The following NCAM2 variants were observed in gnomAD, a reference collection of about 807,000 sequenced individuals.
NCAM2 encodes neural cell adhesion molecule 2.
NCAM2 carries 30 observed loss-of-function variants against 98.1 expected under a neutral mutation model. The observed-to-expected ratio is 0.31, with a 90% CI of 0.23 to 0.41. The LOEUF is 0.41. Ranked by LOEUF, NCAM2 falls within the 10% of genes least tolerant of loss-of-function variation. The pLI is 1.00. For missense variants in NCAM2, 867 were observed against 1,005.8 expected, an observed-to-expected ratio of 0.86 and a Z score of 1.87; for synonymous variants, 368 against 342.4, an observed-to-expected ratio of 1.07 and a Z score of -0.83.
chr21:21,078,689 A>G (rs1394361832), intron 1 of NCAM2, among the ~76,000 whole-genome samples: 1 of 152,230 alleles, frequency 6.6e-6, no homozygotes, highest in Non-Finnish European at 1.5e-5. Context: ...CACTGGGTAT[A>G]TACCCAAAGG....
At chr21:21,044,733 A>G (rs1054985770) in intron 1 of NCAM2, among the ~76,000 whole-genome samples, 2 of 152,142 alleles carry the variant, frequency 1.3e-5, no homozygotes, top group Admixed American at 6.6e-5. Flanking sequence ...TGGGAGGCCA[A>G]GGTGGGAAGA....
At chr21:21,458,600 C>A (rs1349069930) in intron 12 of NCAM2, among the ~76,000 whole-genome samples, 1 of 152,150 alleles carries the variant, frequency 6.6e-6, no homozygotes, top group Non-Finnish European at 1.5e-5. Context: ...TATGTATAAA[C>A]CAGGAAGCAG....
At chr21:21,163,181 A>G (rs2067841582) in intron 1 of NCAM2, among the ~76,000 whole-genome samples, 1 of 152,184 alleles carries the variant, frequency 6.6e-6, no homozygotes, top group Non-Finnish European at 1.5e-5. Flanking sequence ...ACATTCAGCA[A>G]TTCCACTGAA....
intron 15 of NCAM2, among the ~76,000 whole-genome samples, chr21:21,498,589 A>G (rs773534666): frequency 6.6e-6 from 1 of 152,176 alleles, no homozygotes; most frequent in Admixed American, 6.5e-5. Flanking sequence ...AAAGTTGCCA[A>G]TAAGTGCATT....
At chr21:21,432,391 G>A (rs1437704382) in intron 12 of NCAM2, 110 bp downstream of exon 12, 4 of 984,720 alleles carry the variant, frequency 4.1e-6, no homozygotes, top group Non-Finnish European at 5.9e-6. Flanking sequence ...TTAATAAAAT[G>A]GTGTTGGGAA....
At chr21:21,311,335 ATTTTTTTTT>A (rs57458011) in intron 5 of NCAM2, among the ~76,000 whole-genome samples, 2 of 108,616 alleles carry the variant, frequency 1.8e-5, no homozygotes, top group African/African-American at 7.6e-5. Flanking sequence ...AATATGGGGC[ATTTTTTTTT>A]TTTTTTTTTT....
At chr21:21,412,941 A>G (rs1254486594) in intron 10 of NCAM2, among the ~76,000 whole-genome samples, 1 of 152,164 alleles carries the variant, frequency 6.6e-6, no homozygotes, top group Non-Finnish European at 1.5e-5. Flanking sequence ...TTAGAATATA[A>G]AAGGAAATAT....
At chr21:21,298,589 A>G in intron 5 of NCAM2, among the ~76,000 whole-genome samples, 1 of 12,080 alleles carries the variant, frequency 8.3e-5, no homozygotes, top group Admixed American at 7.7e-4. Flanking sequence ...TGATAGATAC[A>G]GATAGATAGA....
At chr21:21,154,481 G>A (rs896361843) in intron 1 of NCAM2, among the ~76,000 whole-genome samples, 1 of 151,750 alleles carries the variant, frequency 6.6e-6, no homozygotes, top group Non-Finnish European at 1.5e-5. Context: ...AGTTAAAGAT[G>A]CATAATGAAC....
Position 21,537,890 on chromosome 21 carries a change from C to T in NCAM2, c.2447C>T (p.Pro816Leu), listed in dbSNP as rs775178336. 2 of 1,579,984 alleles carry T rather than the reference C, an allele frequency of 1.3e-6. No individual in the cohort carries two copies. The highest frequency in any genetic ancestry group is 2.3e-5 in the East Asian group (1 of 43,856). The change falls in exon 18 of 18, where the codon CCA becomes CTA. Residue 816 changes from proline to leucine, a missense_variant. Coordinates refer to ENST00000400546, the MANE Select transcript of NCAM2 (RefSeq NM_004540.5). ...KEEDGKEALN[P>L]ETIEIKVSND... ...GAAGATGGGAAAGAAGCTCTAAATC[C>T]AGAAACTATAGAAATTAAAGTTTCT...
Position 21,338,499 on chromosome 21 carries a change from G to A in NCAM2, c.1009G>A (p.Ala337Thr). 1 of 1,612,444 alleles carries A rather than the reference G, an allele frequency of 6.2e-7. No individual in the cohort carries two copies. Among genetic ancestry groups the A allele is most frequent in the Non-Finnish European group, 8.5e-7 (1 of 1,179,242 alleles). The stretch of plus-strand genomic sequence containing the variant: ...TATTCCAGAAATCACTTGGAAAAGA[G>A]CTGTGGATGGCTTCACGTTCACTGA... ...EPIPEITWKR[A>T]VDGFTFTEGD... The change falls in exon 8 of 18, where the codon GCT becomes ACT. Residue 337 changes from alanine to threonine, a missense_variant. By Grantham distance (58) the Ala-to-Thr change is moderately conservative. Around this residue, in one of 5 missense-constraint regions of NCAM2, gnomAD observed 447 missense variants for 495.7 expected, o/e 0.90. Coordinates refer to ENST00000400546, the MANE Select transcript of NCAM2 (RefSeq NM_004540.5).
At chr21:21,016,392 C>G (rs80212053) in intron 1 of NCAM2, among the ~76,000 whole-genome samples, 1 of 151,736 alleles carries the variant, frequency 6.6e-6, no homozygotes, top group African/African-American at 2.4e-5. Context: ...TTATGCGCTT[C>G]GTATGTGTGA....
intron 1 of NCAM2, among the ~76,000 whole-genome samples, chr21:21,083,734 A>T (rs76792811): frequency 0.059 from 9,048 of 152,080 alleles, 321 homozygotes; most frequent in East Asian, 0.15. Flanking sequence ...TTAAAATTCT[A>T]TTTTTTGAGA....
intron 12 of NCAM2, among the ~76,000 whole-genome samples, chr21:21,465,917 A>G (rs1187461713): frequency 6.6e-6 from 1 of 152,098 alleles, no homozygotes; most frequent in East Asian, 1.9e-4. Context: ...CAAGGGTCAA[A>G]TAACAAGGGT....
chr21:21,121,881 A>G (rs1435785687), intron 1 of NCAM2, among the ~76,000 whole-genome samples: 3 of 152,324 alleles, frequency 2.0e-5, no homozygotes, highest in South Asian at 2.1e-4. Flanking sequence ...CTCTAGATCT[A>G]CATTTCTTCA....
chr21:21,391,056 A>C (rs191886764), intron 9 of NCAM2, among the ~76,000 whole-genome samples: 31 of 152,342 alleles, frequency 2.0e-4, no homozygotes, highest in African/African-American at 7.5e-4. Context: ...TTAGTTATTC[A>C]ATTTAATAAT....
chr21:21,261,758 TAGAA>T (rs1260978553), intron 1 of NCAM2, among the ~76,000 whole-genome samples: 2 of 151,990 alleles, frequency 1.3e-5, no homozygotes. Context: ...ATCAAAATGA[TAGAA>T]AGATCTCAAA....
intron 16 of NCAM2, among the ~76,000 whole-genome samples, chr21:21,513,831 C>G (rs1214451512): frequency 6.6e-6 from 1 of 152,054 alleles, no homozygotes; most frequent in African/African-American, 2.4e-5. Flanking sequence ...GGATCTTTCT[C>G]TCTAGGTCAA....
intron 1 of NCAM2, among the ~76,000 whole-genome samples, chr21:21,139,468 G>A (rs148033228): frequency 6.6e-5 from 10 of 152,268 alleles, no homozygotes; most frequent in African/African-American, 1.7e-4. Flanking sequence ...GATTAAGCAC[G>A]ACTTTTCACA....
Sources: gnomAD v4.1 joint callset for allele counts (sites outside exome capture counted in the v4.1 genomes callset) on GRCh38, gnomAD v4.1.1 for gene constraint, gnomAD v4.1.1 regional missense constraint, MANE v1.5 for transcripts, NCBI Gene and HGNC (gene_info 2026-07-23, HGNC 2026-07-21) for gene names.